Variants in TBC1D5 observed in about 807,000 individuals in gnomAD.
TBC1D5 encodes TBC1 domain family, member 5.
In TBC1D5, 75 loss-of-function variants were observed where a neutral mutation model predicts 100.3. The ratio of observed to expected loss-of-function variants is 0.75; its 90% CI spans 0.62 to 0.91. The LOEUF (loss-of-function observed/expected upper bound fraction) is 0.91. TBC1D5 is among the 40% of genes least tolerant of loss of function. The pLI is 0.00. For missense variants in TBC1D5, 910 were observed against 942.4 expected (o/e 0.97, Z 0.45); for synonymous variants, 323 against 325.6 (o/e 0.99, Z 0.09).
rs766748026 is a variant in TBC1D5, at chr3:17,374,626, T to C, written c.752+3A>G. ...ATAAAACAAAGAAAGTTTTTGTACT[T>C]ACTAGGCATCATGTTCCAGATACTC... is the stretch of plus-strand genomic sequence containing the variant. On this transcript the variant is annotated splice_donor_region_variant and intron_variant, in intron 11 of 21. Coordinates refer to ENST00000253692, the Ensembl canonical transcript of TBC1D5. 13 of 1,611,446 alleles carry C rather than the reference T, an allele frequency of 8.1e-6. No individual in the cohort carries two copies. The highest frequency in any genetic ancestry group is 1.1e-5 in the Non-Finnish European group (13 of 1,179,282).
rs564899022 is a variant in TBC1D5 at position 17,422,780 on chromosome 3, G to A, written c.167+5670C>T. Reference sequence around the variant, plus strand: ...GATTATATGCAAATAAGATACATACGAATCTTTGTGCTAAAACTTGAAGGC... The same window carrying A: ...GATTATATGCAAATAAGATACATACAAATCTTTGTGCTAAAACTTGAAGGC... On this transcript the variant is annotated intron_variant, in intron 4 of 21. Coordinates refer to ENST00000253692, the Ensembl canonical transcript of TBC1D5. Among the ~76,000 whole-genome samples, 9 of 152,050 alleles carry A rather than the reference G, an allele frequency of 5.9e-5. No homozygotes were observed. In the East Asian group the frequency reaches 7.7e-4, roughly 13 times the overall value.
At chr3:17,740,876 A>G (rs1270619605) in exon 1 of TBC1D5, 1 of 152,220 alleles carries the variant, frequency 6.6e-6, no homozygotes, top group Non-Finnish European at 1.5e-5. Flanking sequence ...CAAGCTTCTA[A>G]TGGAAAATTC....
At chr3:17,199,453 T>C (rs1483520877) in intron 18 of TBC1D5, among the ~76,000 whole-genome samples, 1 of 152,218 alleles carries the variant, frequency 6.6e-6, no homozygotes, top group African/African-American at 2.4e-5. Context: ...ATTCTTGATA[T>C]TTTATGGAAT....
At chr3:17,255,296 G>A (rs1354956657) in intron 16 of TBC1D5, among the ~76,000 whole-genome samples, 1 of 152,142 alleles carries the variant, frequency 6.6e-6, no homozygotes, top group African/African-American at 2.4e-5. Context: ...CACCTCCTGG[G>A]TTCCAGCGTT....
chr3:17,683,308 C>T (rs994534052), intron 1 of TBC1D5, among the ~76,000 whole-genome samples: 1 of 151,134 alleles, frequency 6.6e-6, no homozygotes, highest in Non-Finnish European at 1.5e-5. Flanking sequence ...TTAAATTTTA[C>T]CTAATAGAGC....
exon 6 of TBC1D5, chr3:17,404,895 A>T (rs746926846): frequency 5.0e-6 from 8 of 1,597,858 alleles, no homozygotes; most frequent in Non-Finnish European, 5.1e-6. Flanking sequence ...TTGCTATACC[A>T]TGCTCTTAAT....
chr3:17,661,961 G>A (rs2066702784), intron 1 of TBC1D5, among the ~76,000 whole-genome samples: 1 of 152,000 alleles, frequency 6.6e-6, no homozygotes, highest in African/African-American at 2.4e-5. Flanking sequence ...CACAATCATA[G>A]CTCACTGCAT....
chr3:17,423,701 G>GA (rs142551940), intron 4 of TBC1D5, among the ~76,000 whole-genome samples: 13,839 of 151,982 alleles, frequency 0.091, 1,426 homozygotes, highest in African/African-American at 0.26. Flanking sequence ...AATTAAGTTG[G>GA]AAAAAATACT....
At chr3:17,327,186 T>C (rs1393775463) in intron 13 of TBC1D5, among the ~76,000 whole-genome samples, 3 of 152,130 alleles carry the variant, frequency 2.0e-5, no homozygotes, top group Non-Finnish European at 4.4e-5. Context: ...CAGACAAAAA[T>C]CTCTGTCCTC....
At chr3:17,388,629 C>T (rs2093248104) in intron 8 of TBC1D5, among the ~76,000 whole-genome samples, 1 of 150,830 alleles carries the variant, frequency 6.6e-6, no homozygotes, top group Non-Finnish European at 1.5e-5. Flanking sequence ...CAGGAGGATC[C>T]CTTGAGCCCA....
chr3:17,593,807 T>A (rs1013850578), intron 2 of TBC1D5, among the ~76,000 whole-genome samples: 2 of 152,188 alleles, frequency 1.3e-5, no homozygotes, highest in African/African-American at 4.8e-5. Flanking sequence ...CCTTTTGAAG[T>A]CACAATTACA....
At chr3:17,589,950 T>C (rs941500350) in intron 2 of TBC1D5, among the ~76,000 whole-genome samples, 19 of 152,304 alleles carry the variant, frequency 1.2e-4, no homozygotes, top group Admixed American at 9.8e-4. Flanking sequence ...AGATGTGATA[T>C]AGCCCAGAGA....
At chr3:17,476,698 C>A (rs1176853703) in intron 3 of TBC1D5, among the ~76,000 whole-genome samples, 1 of 151,904 alleles carries the variant, frequency 6.6e-6, no homozygotes, top group Non-Finnish European at 1.5e-5. Flanking sequence ...AACCTAATAA[C>A]TCTGTGACAA....
At position 17,564,891 on chromosome 3, in the gene TBC1D5, A is replaced by G. The variant is rs570121446; in HGVS notation, c.-35-56286T>C. Among the ~76,000 whole-genome samples the G allele has an allele frequency of 3.3e-5, 5 of 152,336 alleles. No homozygotes were observed. The South Asian group carries it at 1.0e-3, about 32-fold the overall frequency. On this transcript the variant is annotated intron_variant, in intron 2 of 21. Transcript: ENST00000253692. ...TGAGTGGGAAAAAAAGAAGAAAAAA[A>G]TAAAATGAGCCCAAAAATCAACATC... is the stretch of plus-strand genomic sequence containing the variant.
At chr3:17,166,739 T>C (rs2125118270) in intron 21 of TBC1D5, 28 bp downstream of exon 22, 3 of 1,588,310 alleles carry the variant, frequency 1.9e-6, no homozygotes, top group Non-Finnish European at 2.6e-6. Context: ...TTTGAGTTAA[T>C]GTAACATGTT....
chr3:17,593,847 G>T (rs1407859782), intron 2 of TBC1D5, among the ~76,000 whole-genome samples: 2 of 152,134 alleles, frequency 1.3e-5, no homozygotes, highest in African/African-American at 2.4e-5. Flanking sequence ...ACTTTGCAAG[G>T]CTTGGGCAAA....
intron 2 of TBC1D5, among the ~76,000 whole-genome samples, chr3:17,609,445 C>T (rs2061531793): frequency 6.6e-6 from 1 of 152,146 alleles, no homozygotes; most frequent in African/African-American, 2.4e-5. Flanking sequence ...GACCTCTTTC[C>T]TAAAATTTTC....
intron 14 of TBC1D5, among the ~76,000 whole-genome samples, chr3:17,305,987 T>C (rs1285790096): frequency 6.6e-6 from 1 of 152,220 alleles, no homozygotes; most frequent in Non-Finnish European, 1.5e-5. Flanking sequence ...ACTGTCATCA[T>C]GACCCTCCTG....
chr3:17,304,267 T>C (rs571935570), intron 14 of TBC1D5, among the ~76,000 whole-genome samples: 1 of 152,170 alleles, frequency 6.6e-6, no homozygotes, highest in South Asian at 2.1e-4. Flanking sequence ...GGCCCAATTC[T>C]AGATGCTGGT....
Sources: gnomAD v4.1 joint callset for allele counts (sites outside exome capture counted in the v4.1 genomes callset) on GRCh38, gnomAD v4.1.1 for gene constraint, MANE v1.5 for transcripts, NCBI Gene and HGNC (gene_info 2026-07-23, HGNC 2026-07-21) for gene names.